The following NELL1 variants were observed in gnomAD, a reference collection of about 807,000 sequenced individuals.
NELL1 encodes the protein neural EGFL like 1, also known as protein kinase C-binding protein NELL1.
Under a neutral mutation model 107.4 loss-of-function variants are expected in NELL1, and 76 were observed. The ratio of observed to expected loss-of-function variants is 0.71; its 90% confidence interval spans 0.59 to 0.86. The LOEUF is 0.86. NELL1 is among the 40% of genes least tolerant of loss of function. The pLI, the probability that NELL1 is intolerant of heterozygous loss-of-function variation, is 0.00. For synonymous variants in NELL1, 353 were observed against 341.2 expected (o/e 1.03, Z -0.38); for missense variants, 1,024 against 1,005.5 (o/e 1.02, Z -0.25).
chr11:21,154,252 T>C (rs1856182255), intron 13 of NELL1, among the ~76,000 whole-genome samples: 1 of 152,210 alleles, frequency 6.6e-6, no homozygotes, highest in Admixed American at 6.5e-5. Flanking sequence ...TTTATAGATC[T>C]ACTGAAATAT....
chr11:21,508,898 A>G (rs1855365324), intron 15 of NELL1, among the ~76,000 whole-genome samples: 1 of 152,162 alleles, frequency 6.6e-6, no homozygotes, highest in Non-Finnish European at 1.5e-5. Context: ...AAAAACATAT[A>G]CAACAAAAAA....
chr11:21,061,239 A>G (rs769286668), intron 12 of NELL1, among the ~76,000 whole-genome samples: 7 of 152,206 alleles, frequency 4.6e-5, no homozygotes, highest in Admixed American at 2.0e-4. Context: ...AGGCAAACAC[A>G]TAAGTAAGGA....
At chr11:21,511,909 A>C (rs1007980005) in intron 15 of NELL1, among the ~76,000 whole-genome samples, 1 of 152,194 alleles carries the variant, frequency 6.6e-6, no homozygotes, top group Non-Finnish European at 1.5e-5. Context: ...ACAATACGGG[A>C]CTAAAATACT....
At chr11:21,057,337 C>G (rs76562616) in intron 12 of NELL1, among the ~76,000 whole-genome samples, 4,022 of 152,094 alleles carry the variant, frequency 0.026, 112 homozygotes, top group South Asian at 0.16. Context: ...AAAGGACACC[C>G]TCTCACTTTT....
At chr11:21,449,813 C>T (rs143513492) in intron 15 of NELL1, among the ~76,000 whole-genome samples, 93 of 152,314 alleles carry the variant, frequency 6.1e-4, no homozygotes, top group African/African-American at 2.1e-3. Flanking sequence ...AGAAGACCAA[C>T]CTTTCTCTAT....
At chr11:20,863,174 G>GGCT (rs1849013108) in intron 4 of NELL1, among the ~76,000 whole-genome samples, 1 of 151,186 alleles carries the variant, frequency 6.6e-6, no homozygotes, top group African/African-American at 2.4e-5. Flanking sequence ...CAGAAGGGGT[G>GGCT]GCCGGGCAGA....
At chr11:21,390,510 A>AACAC (rs60248049) in intron 15 of NELL1, among the ~76,000 whole-genome samples, 6,826 of 142,788 alleles carry the variant, frequency 0.048, 172 homozygotes, top group South Asian at 0.092. Flanking sequence ...TGTGTGGATG[A>AACAC]ACACACACAC....
intron 13 of NELL1, among the ~76,000 whole-genome samples, chr11:21,138,782 A>T (rs941213355): frequency 5.9e-5 from 9 of 152,170 alleles, no homozygotes; most frequent in African/African-American, 2.2e-4. Flanking sequence ...ATTAGGAAGA[A>T]TGATAGTTTC....
chr11:21,035,416 A>G (rs112474614), intron 12 of NELL1, among the ~76,000 whole-genome samples: 5,139 of 152,006 alleles, frequency 0.034, 312 homozygotes, highest in African/African-American at 0.12. Flanking sequence ...TAGAGACACA[A>G]CAAAAAAAAT....
At position 21,042,732 on chromosome 11, in the gene NELL1, C is replaced by T. The variant is rs141330578; in HGVS notation, c.1301-70857C>T. ...TGACCTGAGGACTTGCAGGTGATGACGTTTGAAAACATCTGAGGTAAATGG... is the reference window on the plus strand; with the variant it reads ...TGACCTGAGGACTTGCAGGTGATGATGTTTGAAAACATCTGAGGTAAATGG... On this transcript the variant is annotated intron_variant, in intron 12 of 19. Coordinates refer to ENST00000357134, the MANE Select transcript of NELL1 (RefSeq NM_006157.5). Among the ~76,000 whole-genome samples, 207 of 152,138 alleles carry T rather than the reference C, an allele frequency of 1.4e-3. 1 individual carries two copies. Among genetic ancestry groups the T allele is most frequent in the African/African-American group, 2.5e-3 (105 of 41,504 alleles).
At chr11:21,009,293 T>G (rs1852397358) in intron 12 of NELL1, among the ~76,000 whole-genome samples, 1 of 152,182 alleles carries the variant, frequency 6.6e-6, no homozygotes, top group Non-Finnish European at 1.5e-5. Context: ...ACTTGTTCAT[T>G]TATTCATTCA....
intron 15 of NELL1, among the ~76,000 whole-genome samples, chr11:21,381,992 C>T (rs1426265210): frequency 7.1e-6 from 1 of 140,586 alleles, no homozygotes; most frequent in African/African-American, 2.7e-5. Flanking sequence ...AGCAAGTTCT[C>T]ACTGTATTAT....
At chr11:21,208,255 A>G (rs1249355353) in intron 13 of NELL1, among the ~76,000 whole-genome samples, 1 of 152,018 alleles carries the variant, frequency 6.6e-6, no homozygotes, top group Non-Finnish European at 1.5e-5. Flanking sequence ...CTTTAGTAAT[A>G]AAAGATACGT....
chr11:21,416,500 G>A (rs116974228), intron 15 of NELL1, among the ~76,000 whole-genome samples: 216 of 152,110 alleles, frequency 1.4e-3, no homozygotes, highest in Admixed American at 3.0e-3. Flanking sequence ...GTTGGCCTTC[G>A]GTTGCAAATA....
intron 16 of NELL1, among the ~76,000 whole-genome samples, chr11:21,538,466 A>T (rs1362624698): frequency 6.6e-6 from 1 of 152,134 alleles, no homozygotes; most frequent in Non-Finnish European, 1.5e-5. Flanking sequence ...CTATTCTTGA[A>T]GAGCTTATCA....
chr11:21,544,022 C>T (rs1364471387), intron 16 of NELL1, among the ~76,000 whole-genome samples: 1 of 151,916 alleles, frequency 6.6e-6, no homozygotes, highest in East Asian at 1.9e-4. Flanking sequence ...CATTCTCAGT[C>T]TTTTGAATAT....
chr11:21,175,859 G>A (rs753436024), intron 13 of NELL1, among the ~76,000 whole-genome samples: 8 of 151,782 alleles, frequency 5.3e-5, no homozygotes, highest in Non-Finnish European at 7.4e-5. Context: ...GCTTTGTGCC[G>A]TCCAATTTTG....
chr11:21,432,254 A>G (rs912427006), intron 15 of NELL1, among the ~76,000 whole-genome samples: 5 of 152,124 alleles, frequency 3.3e-5, no homozygotes, highest in Non-Finnish European at 5.9e-5. Context: ...TGTTTTAATG[A>G]CAGTGAAGAC....
chr11:21,312,835 TA>T (rs1420010510), intron 14 of NELL1, among the ~76,000 whole-genome samples: 1 of 152,162 alleles, frequency 6.6e-6, no homozygotes, highest in Non-Finnish European at 1.5e-5. Flanking sequence ...TTTATAAACC[TA>T]AATGTCACTG....
Sources: gnomAD v4.1 joint callset for allele counts (sites outside exome capture counted in the v4.1 genomes callset) on GRCh38, gnomAD v4.1.1 for gene constraint, MANE v1.5 for transcripts, NCBI Gene and HGNC (gene_info 2026-07-23, HGNC 2026-07-21) for gene names.